TMEM138: variants seen among roughly 807,000 people sequenced by gnomAD.
TMEM138 encodes transmembrane protein 138.
In TMEM138, 9 loss-of-function variants were observed where a neutral mutation model predicts 18.1. The ratio of observed to expected loss-of-function variants is 0.50; its 90% confidence interval spans 0.30 to 0.87. The LOEUF is 0.87. TMEM138 is among the 40% of genes least tolerant of loss of function. The probability of loss-of-function intolerance (pLI) is 0.06; values close to 1 mark genes in which losing one functional copy is unlikely to be tolerated. For synonymous variants in TMEM138, 79 were observed against 74.8 expected (o/e 1.06, Z -0.29); for missense variants, 189 against 190.6 (o/e 0.99, Z 0.05).
downstream of TMEM138, among the ~76,000 whole-genome samples, chr11:61,376,035 A>G (rs1386001272): frequency 6.6e-6 from 1 of 152,188 alleles, no homozygotes; most frequent in Non-Finnish European, 1.5e-5. Context: ...CATCAAAGCC[A>G]ATTTAAAAGC....
Position 61,367,921 on chromosome 11 carries a change from A to G in TMEM138, c.301-2A>G. On this transcript the variant is annotated splice_acceptor_variant, in intron 3 of 4. Transcript: ENST00000278826. LOFTEE classifies it high-confidence loss of function. ...CTTTTGTGTATCTCACATCTCCTTC[A>G]GAACTTACGCTGGAAAAACTCCAAC... 1 of 1,608,902 alleles carries G rather than the reference A, an allele frequency of 6.2e-7. No homozygotes were observed. The highest frequency in any genetic ancestry group is 8.5e-7 in the Non-Finnish European group (1 of 1,175,434).
intron 1 of TMEM138, chr11:61,363,254 A>C (rs1480603570): frequency 6.6e-6 from 1 of 152,148 alleles, no homozygotes; most frequent in African/African-American, 2.4e-5. Flanking sequence ...AAATTTAATG[A>C]ATGAGGAAAC....
rs762927428 is a variant in TMEM138 at position 61,368,726 on chromosome 11, TG to T, written c.*19del. 6.9e-6 allele frequency: 11 copies of T among 1,586,118 alleles called. No homozygotes were observed. Among genetic ancestry groups the T allele is most frequent in the African/African-American group, 2.7e-5 (2 of 74,400 alleles). On this transcript the variant is annotated 3_prime_UTR_variant, in exon 5 of 5. Transcript: ENST00000278826. The stretch of plus-strand genomic sequence containing the variant: ...CGAAGGTGACCTCTTGTCACACTGA[TG>T]GATACTTTTCCTTCCTGATAGAAGC...
downstream of TMEM138, among the ~76,000 whole-genome samples, chr11:61,373,416 A>G (rs1177414084): frequency 2.0e-5 from 3 of 152,188 alleles, no homozygotes; most frequent in Non-Finnish European, 4.4e-5. Flanking sequence ...ATAAAGGCTT[A>G]TGGAAGTTAT....
downstream of TMEM138, among the ~76,000 whole-genome samples, chr11:61,372,746 G>T (rs553039722): frequency 6.6e-6 from 1 of 151,810 alleles, no homozygotes; most frequent in Non-Finnish European, 1.5e-5. Flanking sequence ...AGGTCACACC[G>T]TTGCACTCCA....
downstream of TMEM138, among the ~76,000 whole-genome samples, chr11:61,376,819 G>A (rs1858441427): frequency 6.6e-6 from 1 of 152,098 alleles, no homozygotes; most frequent in South Asian, 2.1e-4. Flanking sequence ...TAATAACTCA[G>A]GACCTACTCG....
chr11:61,370,218 T>G (rs2135169119), downstream of TMEM138, among the ~76,000 whole-genome samples: 1 of 152,156 alleles, frequency 6.6e-6, no homozygotes, highest in East Asian at 1.9e-4. Context: ...GGTCAGCATC[T>G]GGTTGTAAGG....
chr11:61,368,267 C>T (rs760199748), intron 4 of TMEM138: 16 of 573,446 alleles, frequency 2.8e-5, no homozygotes, highest in Non-Finnish European at 4.8e-5. Context: ...CTCTGTCGCC[C>T]AGGCTGGAGT....
intron 3 of TMEM138, chr11:61,367,135 T>C (rs973499694): frequency 1.3e-5 from 2 of 152,196 alleles, no homozygotes; most frequent in African/African-American, 4.8e-5. Context: ...GGATTGCTGC[T>C]TGCCCTTGAG....
In TMEM138 at chr11:61,366,150, C is replaced by G. The variant is rs1313411670; in HGVS notation, c.234C>G (p.Phe78Leu). ...AGLVNLLFHK[F>L]KGTIILTAVY... is the part of the protein sequence containing the mutation. ...TGGTCAACCTCCTATTCCATAAGTT[C>G]AAAGGGACCATCATCCTGACAGCTG... is the stretch of plus-strand genomic sequence containing the variant. The change falls in exon 3 of 5, where the codon TTC (phenylalanine) becomes TTG (leucine). Residue 78 changes from phenylalanine (F) to leucine (L), a missense_variant. Phe to Leu is a conservative substitution (Grantham distance 22). Coordinates refer to ENST00000278826, the MANE Select transcript of TMEM138 (RefSeq NM_016464.5). 6.2e-7 allele frequency: 1 copy of G among 1,614,098 alleles called. No homozygotes were observed. Among genetic ancestry groups the G allele is most frequent in the Admixed American group, 1.7e-5 (1 of 60,008 alleles).
In TMEM138 at chr11:61,365,914, G is replaced by C. The variant is rs1373369676; in HGVS notation, c.129-131G>C. On this transcript the variant is annotated intron_variant, in intron 2 of 4. Coordinates refer to ENST00000278826, the MANE Select transcript of TMEM138 (RefSeq NM_016464.5). ...AGGTCCCAAAACCCATGTTATCTCT[G>C]TGAGGGTTTAAGATGTCAGATGCCT... 4.2e-5 allele frequency: 49 copies of C among 1,171,794 alleles called. No individual in the cohort carries two copies. The Admixed American group carries it at 5.3e-4, about 13-fold the overall frequency. 72.6% of individuals were successfully genotyped at this position (1,171,794 alleles called of 1,614,324 possible).
At chr11:61,367,500 T>C (rs779270024) in intron 3 of TMEM138, 12 of 155,330 alleles carry the variant, frequency 7.7e-5, no homozygotes, top group Non-Finnish European at 1.4e-4. Flanking sequence ...GAGGATTCTG[T>C]GCCCTGGTTC....
In TMEM138 at chr11:61,364,309, C is replaced by T. The variant is rs1054334330; in HGVS notation, c.-82C>T. 5 of 1,542,866 alleles carry T rather than the reference C, an allele frequency of 3.2e-6. No homozygotes were observed. The highest frequency in any genetic ancestry group is 4.4e-6 in the Non-Finnish European group (5 of 1,137,618). On this transcript the variant is annotated 5_prime_UTR_variant, in exon 2 of 5. Coordinates refer to ENST00000278826, the MANE Select transcript of TMEM138 (RefSeq NM_016464.5). ...ATTCAAAGGAACTAGAAGCCTCTCC[C>T]TCAGTGGTAGGGAGACAGCCAGGAG...
intron 3 of TMEM138, chr11:61,366,432 G>A (rs1323928841): frequency 1.7e-5 from 8 of 484,310 alleles, no homozygotes; most frequent in South Asian, 3.7e-5. Flanking sequence ...TTCCTGAATC[G>A]CTAAAGGGCT....
Position 61,364,246 on chromosome 11 carries a change from C to T in TMEM138, c.-139-6C>T. 1.1e-6 allele frequency: 1 copy of T among 931,784 alleles called. No homozygotes were observed. The highest frequency in any genetic ancestry group is 1.6e-6 in the Non-Finnish European group (1 of 624,862). 57.7% of individuals were successfully genotyped at this position (931,784 alleles called of 1,614,324 possible). A position where few individuals can be genotyped will look rare whatever the true frequency, so the allele number is the denominator to read the frequency against. ...TCTAACCTTGCTTATCTTTTTGCTC[C>T]AACAGGTGCTTGCCTTAGAGCAAGG... On this transcript the variant is annotated splice_polypyrimidine_tract_variant and splice_region_variant and intron_variant, in intron 1 of 4. Coordinates refer to ENST00000278826, the MANE Select transcript of TMEM138 (RefSeq NM_016464.5).
chr11:61,372,085 A>T (rs1289060147), downstream of TMEM138, among the ~76,000 whole-genome samples: 1 of 151,302 alleles, frequency 6.6e-6, no homozygotes, highest in East Asian at 2.0e-4. Flanking sequence ...CTGAGGCAGG[A>T]GAATTGCTTG....
Position 61,368,877 on chromosome 11 carries a change from G to C in TMEM138, c.*168G>C. 5 of 626,652 alleles carry C rather than the reference G, an allele frequency of 8.0e-6. No homozygotes were observed. The Admixed American group carries it at 1.2e-4, about 15-fold the overall frequency. 38.8% of individuals were successfully genotyped at this position (626,652 alleles called of 1,614,324 possible). On this transcript the variant is annotated 3_prime_UTR_variant, in exon 5 of 5. Coordinates refer to ENST00000278826, the MANE Select transcript of TMEM138 (RefSeq NM_016464.5). ...GAAGATCCTCCCTCTTGCACAATTA[G>C]AGTGTCCCCATCGGTCTCCAGTGCG...
intron 3 of TMEM138, chr11:61,367,263 T>A (rs1858187182): frequency 6.6e-6 from 1 of 152,264 alleles, no homozygotes; most frequent in South Asian, 2.1e-4. Context: ...GGTTTCAGAT[T>A]TCTTCTGCTT....
chr11:61,373,257 T>A (rs558565848), downstream of TMEM138, among the ~76,000 whole-genome samples: 3 of 152,196 alleles, frequency 2.0e-5, no homozygotes, highest in Non-Finnish European at 4.4e-5. Context: ...AAGGCTGATT[T>A]TGAGAGATAA....
Sources: allele counts gnomAD v4.1 joint callset (sites outside exome capture counted in the v4.1 genomes callset), GRCh38; gene constraint gnomAD v4.1.1; transcripts MANE v1.5; gene names NCBI Gene and HGNC (gene_info 2026-07-23, HGNC 2026-07-21).